Variants in GALNT2 observed in about 807,000 individuals in gnomAD.
GALNT2 encodes the protein UDP-GalNAc:polypeptide N-acetylgalactosaminyltransferase 2.
In GALNT2, 31 loss-of-function variants were observed where a neutral mutation model predicts 81.4. That is an observed-to-expected ratio of 0.38 (90% CI 0.29 to 0.51). The LOEUF (loss-of-function observed/expected upper bound fraction) is 0.51, where lower values mean the gene tolerates loss of function less well. Among genes scored for constraint, GALNT2 ranks in the 20% least tolerant of loss-of-function variants. The pLI is 0.87. For missense variants in GALNT2, 629 were observed against 765.7 expected (o/e 0.82, Z 2.11); for synonymous variants, 303 against 287.4 (o/e 1.05, Z -0.55).
intron 1 of GALNT2, among the ~76,000 whole-genome samples, chr1:230,081,412 G>C (rs890169265): frequency 6.6e-6 from 1 of 152,000 alleles, no homozygotes; most frequent in Non-Finnish European, 1.5e-5. Flanking sequence ...TTTTAAGTGC[G>C]TGCTGTTTAA....
intron 1 of GALNT2, among the ~76,000 whole-genome samples, chr1:230,171,662 A>G (rs2102857605): frequency 6.6e-6 from 1 of 152,364 alleles, no homozygotes; most frequent in South Asian, 2.1e-4. Flanking sequence ...GTTAACAAAT[A>G]TGATGTTCGC....
Position 230,279,680 on chromosome 1 carries a change from G to C in GALNT2, c.*222G>C, listed in dbSNP as rs560587979. Reference sequence around the variant, plus strand: ...CCCCTCCTCTCGGTGCAGCCCAGCCGGGCCCCCTTCCCCAGGCCGGAGCGC... The same window carrying C: ...CCCCTCCTCTCGGTGCAGCCCAGCCCGGCCCCCTTCCCCAGGCCGGAGCGC... On this transcript the variant is annotated 3_prime_UTR_variant, in exon 16 of 16. Transcript: ENST00000366672. The surrounding 1 kb of genome is among the most constrained non-coding windows in gnomAD (Gnocchi z 4.6). 1 of 605,362 alleles carries C rather than the reference G, an allele frequency of 1.7e-6. No individual in the cohort carries two copies. Among genetic ancestry groups the C allele is most frequent in the African/African-American group, 1.8e-5 (1 of 54,064 alleles). The allele number at this position is 605,362 out of a possible 1,614,324, so 37.5% of individuals were successfully genotyped here.
In GALNT2 at chr1:230,128,257, A is replaced by ATGTGTGTGTGTGTGTGTGTGTGTGTG. The variant is rs59410758; in HGVS notation, c.127-49941_127-49940insTGTGTGTGTGTGTGTGTGTGTGTGTG. 3.1e-4 allele frequency among the ~76,000 whole-genome samples: 46 copies of ATGTGTGTGTGTGTGTGTGTGTGTGTG among 149,870 alleles called. No homozygotes were observed. In the South Asian group the frequency reaches 3.2e-3, roughly 10 times the overall value. The stretch of plus-strand genomic sequence containing the variant: ...CTTCTAAATGCAAGTGCGCTGGAGA[A>ATGTGTGTGTGTGTGTGTGTGTGTGTG]TGTGTGTGTGTGTGTGTGTGGTTAT... On this transcript the variant is annotated intron_variant, in intron 1 of 15. Transcript: ENST00000366672.
At chr1:230,119,833 T>C (rs928035506) in intron 1 of GALNT2, among the ~76,000 whole-genome samples, 3 of 152,196 alleles carry the variant, frequency 2.0e-5, no homozygotes, top group Non-Finnish European at 4.4e-5. Flanking sequence ...ATTATTAGGG[T>C]TCACATTTTC....
chr1:230,279,384 G>T lies in GALNT2; in HGVS notation c.1642G>T (p.Gly548Trp), dbSNP rs763766688. Residue 548 changes from glycine to tryptophan, a missense_variant, in exon 16 of 16, where the codon GGG (glycine) becomes TGG (tryptophan). By Grantham distance (184) the Gly-to-Trp change is radical. Around this residue, in one of 3 missense-constraint regions of GALNT2, gnomAD observed 207 missense variants for 225.5 expected, o/e 0.92. Transcript: ENST00000366672. This position sits in a 1 kb window ranked among gnomAD's most constrained non-coding sequence, Gnocchi z 4.6. ...LCLDSRTAKS[G>W]GLSVEVCGPA... ...CCTGGACAGTCGCACGGCCAAGAGC[G>T]GGGGCCTAAGCGTGGAGGTGTGTGG... is the stretch of plus-strand genomic sequence containing the variant. The T allele has an allele frequency of 3.1e-5, 50 of 1,614,004 alleles. No homozygotes were observed. In the South Asian group the frequency reaches 3.7e-4, roughly 12 times the overall value.
In GALNT2 at chr1:230,141,788, C is replaced by CTTTTT. The variant is rs60824749; in HGVS notation, c.127-36412_127-36408dup. Among the ~76,000 whole-genome samples the CTTTTT allele has an allele frequency of 5.0e-3, 503 of 101,178 alleles. 6 individuals are homozygous for CTTTTT. The highest frequency in any genetic ancestry group is 6.9e-3 in the Non-Finnish European group (367 of 53,096). 66.4% of individuals were successfully genotyped at this position (101,178 alleles called of 152,430 possible). ...CAAGACCCCGCTTTCTTTTGTTTTCCTTTTTTTTTTTTTTTTTTTTTTGAG... is the reference window on the plus strand; with the variant it reads ...CAAGACCCCGCTTTCTTTTGTTTTCCTTTTTTTTTTTTTTTTTTTTTTTTTTTGAG... On this transcript the variant is annotated intron_variant, in intron 1 of 15. Coordinates refer to ENST00000366672, the MANE Select transcript of GALNT2 (RefSeq NM_004481.5).
chr1:230,237,242 CTT>C (rs776048520), intron 6 of GALNT2, among the ~76,000 whole-genome samples: 2 of 152,202 alleles, frequency 1.3e-5, no homozygotes, highest in Non-Finnish European at 2.9e-5. Flanking sequence ...CATGAGGACT[CTT>C]TTATTGGCAG....
chr1:230,114,576 T>C (rs1571978101), intron 1 of GALNT2, among the ~76,000 whole-genome samples: 1 of 152,176 alleles, frequency 6.6e-6, no homozygotes, highest in Non-Finnish European at 1.5e-5. Flanking sequence ...GAAACAGCGT[T>C]GGCGGTGGAG....
chr1:230,217,965 A>G (rs1472854656), intron 3 of GALNT2, among the ~76,000 whole-genome samples: 3 of 152,218 alleles, frequency 2.0e-5, no homozygotes, highest in Non-Finnish European at 4.4e-5. Context: ...GATGGAAGCC[A>G]TTGTAGGTTT....
At chr1:230,172,389 C>A (rs536712543) in intron 1 of GALNT2, among the ~76,000 whole-genome samples, 31 of 152,164 alleles carry the variant, frequency 2.0e-4, no homozygotes, top group Admixed American at 1.7e-3. Context: ...CAGCCCTGGC[C>A]GAAATCTTTG....
At chr1:230,127,125 G>A (rs1661209658) in intron 1 of GALNT2, among the ~76,000 whole-genome samples, 1 of 152,110 alleles carries the variant, frequency 6.6e-6, no homozygotes, top group East Asian at 1.9e-4. Context: ...TGCTGCCTGA[G>A]GCAGGGGCAT....
chr1:230,257,352 G>A lies in GALNT2; in HGVS notation c.1136+2008G>A, dbSNP rs75227240. ...CTGTGAGCACTGTTGCAGTAGCCCA[G>A]GCCAGAGATGTGATACAGTCATGCA... On this transcript the variant is annotated intron_variant, in intron 11 of 15. Transcript: ENST00000366672. This position sits in a 1 kb window ranked among gnomAD's most constrained non-coding sequence, Gnocchi z 4.6. Among the ~76,000 whole-genome samples the A allele has an allele frequency of 4.9e-3, 752 of 152,342 alleles. 5 individuals are homozygous for A. The highest frequency in any genetic ancestry group is 8.3e-3 in the Non-Finnish European group (562 of 68,030).
chr1:230,268,280 G>C (rs778047091), intron 14 of GALNT2: 1 of 151,906 alleles, frequency 6.6e-6, no homozygotes, highest in Non-Finnish European at 1.5e-5. Context: ...TGGATAATTC[G>C]TGTAGGGTTG....
intron 3 of GALNT2, among the ~76,000 whole-genome samples, chr1:230,205,804 C>T (rs1664042411): frequency 6.6e-6 from 1 of 152,140 alleles, no homozygotes; most frequent in Non-Finnish European, 1.5e-5. Context: ...GGCCAAGCAG[C>T]CCATGCCAGG....
intron 1 of GALNT2, among the ~76,000 whole-genome samples, chr1:230,119,172 C>T (rs1453689489): frequency 1.3e-5 from 2 of 152,214 alleles, no homozygotes; most frequent in Non-Finnish European, 2.9e-5. Context: ...AAGTTACCGA[C>T]TGTGGTTGAT....
At chr1:230,122,888 T>G (rs1206022734) in intron 1 of GALNT2, among the ~76,000 whole-genome samples, 1 of 152,184 alleles carries the variant, frequency 6.6e-6, no homozygotes, top group Non-Finnish European at 1.5e-5. Flanking sequence ...TGTGCAGGGT[T>G]GTGGCCTGTC....
chr1:230,265,889 A>G (rs1666023962), intron 14 of GALNT2, among the ~76,000 whole-genome samples: 1 of 152,248 alleles, frequency 6.6e-6, no homozygotes, highest in Non-Finnish European at 1.5e-5. Flanking sequence ...ACCTTTTCTG[A>G]GAGGCATAAA....
At position 230,280,057 on chromosome 1, in the gene GALNT2, A is replaced by G; in HGVS notation, c.*599A>G. 1 of 455,190 alleles carries G rather than the reference A, an allele frequency of 2.2e-6. No homozygotes were observed. The allele number at this position is 455,190 out of a possible 1,614,324, so 28.2% of individuals were successfully genotyped here. On this transcript the variant is annotated 3_prime_UTR_variant, in exon 16 of 16. Transcript: ENST00000366672. ...GAAGTTTTCTATGGTGGGACACTAA[A>G]TATAAAGCTATATAGAGAAAGAATG...
At chr1:230,276,284 T>C (rs1400929194) in intron 15 of GALNT2, among the ~76,000 whole-genome samples, 1 of 152,086 alleles carries the variant, frequency 6.6e-6, no homozygotes, top group Non-Finnish European at 1.5e-5. Flanking sequence ...ACACACCCTT[T>C]CTCAAGGCAT....
Sources: gnomAD v4.1 joint callset for allele counts (sites outside exome capture counted in the v4.1 genomes callset) on GRCh38, gnomAD v4.1.1 for gene constraint, gnomAD v4.1.1 regional missense constraint, Gnocchi (gnomAD v3.1) non-coding constraint, MANE v1.5 for transcripts, NCBI Gene and HGNC (gene_info 2026-07-23, HGNC 2026-07-21) for gene names.